The following TLN2 variants were observed in gnomAD, a reference collection of about 807,000 sequenced individuals.
The protein encoded by TLN2 is talin 2, also known as talin-2.
TLN2 carries 118 observed loss-of-function variants against 294.7 expected under a neutral mutation model. The ratio of observed to expected loss-of-function variants is 0.40; its 90% CI spans 0.34 to 0.47. TLN2 has a LOEUF of 0.47. Ranked by LOEUF, TLN2 falls within the 20% of genes least tolerant of loss-of-function variation. The pLI, the probability that TLN2 is intolerant of heterozygous loss-of-function variation, is 0.84. For synonymous variants in TLN2, 1,431 were observed against 1,304.5 expected, an observed-to-expected ratio of 1.10 and a Z score of -2.09; for missense variants, 3,083 against 3,282.2, an observed-to-expected ratio of 0.94 and a Z score of 1.48.
chr15:62,514,011 G>A (rs2040062480), intron 1 of TLN2, among the ~76,000 whole-genome samples: 1 of 152,168 alleles, frequency 6.6e-6, no homozygotes, highest in African/African-American at 2.4e-5. Flanking sequence ...TCTTGTCAAG[G>A]AGTTGGCAGA....
At chr15:62,754,155 C>G in intron 36 of TLN2, 1 of 428,410 alleles carries the variant, frequency 2.3e-6, no homozygotes, top group Non-Finnish European at 4.0e-6. Flanking sequence ...GAAGTAATCA[C>G]AGTGAGATTG....
intron 1 of TLN2, among the ~76,000 whole-genome samples, chr15:62,519,921 G>C (rs2040374540): frequency 6.6e-6 from 1 of 152,208 alleles, no homozygotes; most frequent in African/African-American, 2.4e-5. Context: ...CAAAGAAAAA[G>C]AGGTTTAGTG....
chr15:62,646,354 T>C (rs1347299654), intron 3 of TLN2, among the ~76,000 whole-genome samples: 2 of 152,090 alleles, frequency 1.3e-5, no homozygotes, highest in Non-Finnish European at 2.9e-5. Context: ...ATAGAGACCG[T>C]GTTTCACCAT....
intron 37 of TLN2, among the ~76,000 whole-genome samples, chr15:62,756,869 G>T (rs2062291637): frequency 6.6e-6 from 1 of 151,638 alleles, no homozygotes; most frequent in Non-Finnish European, 1.5e-5. Context: ...CCAGTCAGCA[G>T]CTTCTTAGCT....
At chr15:62,667,025 G>A (rs979053267) in intron 9 of TLN2, among the ~76,000 whole-genome samples, 1 of 152,140 alleles carries the variant, frequency 6.6e-6, no homozygotes, top group Non-Finnish European at 1.5e-5. Flanking sequence ...GAGTGCAGTG[G>A]CATGATCTCG....
chr15:62,681,490 T>C (rs1480976283), intron 11 of TLN2, among the ~76,000 whole-genome samples: 2 of 152,228 alleles, frequency 1.3e-5, no homozygotes, highest in Admixed American at 6.5e-5. Flanking sequence ...ATATTTTCTT[T>C]TATGTCTATG....
chr15:62,570,173 C>A (rs1175055271), intron 1 of TLN2, among the ~76,000 whole-genome samples: 1 of 152,192 alleles, frequency 6.6e-6, no homozygotes, highest in Non-Finnish European at 1.5e-5. Context: ...GTGGCTCCAT[C>A]CAAAAGTTTA....
intron 42 of TLN2, among the ~76,000 whole-genome samples, chr15:62,773,982 C>T (rs940557379): frequency 1.3e-5 from 2 of 152,138 alleles, no homozygotes; most frequent in Non-Finnish European, 1.5e-5. Context: ...CTGCGGTATT[C>T]TCTACCCCGC....
chr15:62,839,219 T>C (rs1336453924), intron 58 of TLN2, among the ~76,000 whole-genome samples: 1 of 152,132 alleles, frequency 6.6e-6, no homozygotes, highest in Non-Finnish European at 1.5e-5. Flanking sequence ...CAACTTTCCA[T>C]GTGGCAGGAA....
At position 62,657,812 on chromosome 15, in the gene TLN2, C is replaced by T. The variant is rs148402491; in HGVS notation, c.702C>T (p.Phe234=). ...TGAATGGCTCTCACCCTGTCTCCTTCGAGAAAGCTTGTGAGTTTGGTGGAT... is the reference window on the plus strand; with the variant it reads ...TGAATGGCTCTCACCCTGTCTCCTTTGAGAAAGCTTGTGAGTTTGGTGGAT... The part of the protein sequence containing the change: ...DILNGSHPVS[F]EKACEFGGFQ... Residue 234 remains phenylalanine (F), a synonymous_variant, in exon 9 of 59, where the codon TTC becomes TTT. Coordinates refer to ENST00000636159, the MANE Select transcript of TLN2 (RefSeq NM_015059.3). 102 of 1,613,842 alleles carry T rather than the reference C, an allele frequency of 6.3e-5. No individual in the cohort carries two copies. Among genetic ancestry groups the T allele is most frequent in the Non-Finnish European group, 7.9e-5 (93 of 1,179,890 alleles).
chr15:62,722,481 G>A lies in TLN2; in HGVS notation c.3120G>A (p.Ser1040=), dbSNP rs148420994. The A allele has an allele frequency of 3.7e-3, 6,010 of 1,610,386 alleles. 16 individuals carry two copies. The highest frequency in any genetic ancestry group is 4.4e-3 in the Non-Finnish European group (5,201 of 1,178,504). Residue 1040 remains serine, a synonymous_variant, in exon 26 of 59, where the codon TCG becomes TCA. Transcript: ENST00000636159. ...ATSLAELRTA[S]QKAHEACGPM... ...GCTTGGCGGAGCTGCGTACCGCCTC[G>A]CAGAAGGCAAGTGGAGCGTGTCATA...
chr15:62,710,720 C>CTTTTTTTTTTTTTT (rs71287048), intron 21 of TLN2, among the ~76,000 whole-genome samples: 2 of 77,046 alleles, frequency 2.6e-5, no homozygotes, highest in Admixed American at 1.9e-4. Context: ...TGCTGATGTC[C>CTTTTTTTTTTTTTT]TTTTTTTTTT....
At chr15:62,450,679 A>G (rs2036083253) in intron 1 of TLN2, among the ~76,000 whole-genome samples, 1 of 152,050 alleles carries the variant, frequency 6.6e-6, no homozygotes, top group Admixed American at 6.6e-5. Context: ...GGCTCAAGAT[A>G]TCCTCCTGCC....
At chr15:62,701,833 C>T (rs1018615726) in intron 17 of TLN2, among the ~76,000 whole-genome samples, 159 bp from the exon 18 acceptor site, 12 of 152,170 alleles carry the variant, frequency 7.9e-5, no homozygotes, top group African/African-American at 2.4e-4. Context: ...GAAGTCACCT[C>T]GGAGACAGGG....
chr15:62,804,663 G>A (rs997335645), intron 50 of TLN2, among the ~76,000 whole-genome samples: 2 of 152,150 alleles, frequency 1.3e-5, no homozygotes, highest in Non-Finnish European at 2.9e-5. Flanking sequence ...CCTTCATTCC[G>A]CTGTAGCATT....
chr15:62,643,370 C>T (rs2051376456), intron 3 of TLN2, among the ~76,000 whole-genome samples: 1 of 144,664 alleles, frequency 6.9e-6, no homozygotes, highest in Non-Finnish European at 1.5e-5. Flanking sequence ...CACTCGTGTG[C>T]AGTGCTCTGT....
intron 1 of TLN2, among the ~76,000 whole-genome samples, chr15:62,508,453 G>A (rs1044382668): frequency 1.3e-5 from 2 of 152,242 alleles, no homozygotes; most frequent in African/African-American, 2.4e-5. Flanking sequence ...CTGACCTTGT[G>A]ATCCACCCGC....
chr15:62,656,043 T>C lies in TLN2; in HGVS notation c.617T>C (p.Val206Ala), dbSNP rs1486115540. 1 of 1,614,204 alleles carries C rather than the reference T, an allele frequency of 6.2e-7. No individual in the cohort carries two copies. The highest frequency in any genetic ancestry group is 8.5e-7 in the Non-Finnish European group (1 of 1,180,038). ...RRKFFYSDQN[V>A]DSRDPVQLNL... is the part of the protein sequence containing the mutation. ...AAGTTCTTTTACTCTGATCAGAATGTAGATTCGAGAGACCCCGTGCAGCTG... is the reference window on the plus strand; with the variant it reads ...AAGTTCTTTTACTCTGATCAGAATGCAGATTCGAGAGACCCCGTGCAGCTG... Residue 206 changes from valine to alanine, a missense_variant, in exon 8 of 59, where the codon GTA (valine) becomes GCA (alanine). Val to Ala is a moderately conservative substitution (Grantham distance 64). Coordinates refer to ENST00000636159, the MANE Select transcript of TLN2 (RefSeq NM_015059.3).
intron 54 of TLN2, chr15:62,830,614 C>G (rs2068725877): frequency 6.6e-6 from 1 of 152,094 alleles, no homozygotes; most frequent in Non-Finnish European, 1.5e-5. Context: ...GGAGAGATGC[C>G]ATTTTCTCTA....
Sources: gnomAD v4.1 joint callset for allele counts (sites outside exome capture counted in the v4.1 genomes callset) on GRCh38, gnomAD v4.1.1 for gene constraint, MANE v1.5 for transcripts, NCBI Gene and HGNC (gene_info 2026-07-23, HGNC 2026-07-21) for gene names.